ZFAND4: variants seen among roughly 807,000 people sequenced by gnomAD.
The protein encoded by ZFAND4 is zinc finger AN1-type containing 4, also known as AN1-type zinc finger protein 4.
In ZFAND4, 43 loss-of-function variants were observed where a neutral mutation model predicts 64.4. The ratio of observed to expected loss-of-function variants is 0.67; its 90% CI spans 0.52 to 0.86. The LOEUF is 0.86. Among genes scored for constraint, ZFAND4 ranks in the 40% least tolerant of loss-of-function variants. ZFAND4 has a pLI of 0.00. For synonymous variants in ZFAND4, 296 were observed against 305.7 expected (o/e 0.97, Z 0.33); for missense variants, 929 against 859.8 (o/e 1.08, Z -1.01).
chr10:45,623,054 C>CA (rs1172145619), intron 8 of ZFAND4, among the ~76,000 whole-genome samples: 1 of 152,128 alleles, frequency 6.6e-6, no homozygotes, highest in East Asian at 1.9e-4. Flanking sequence ...ATACGCAAAT[C>CA]AAAACCACAG....
intron 6 of ZFAND4, among the ~76,000 whole-genome samples, chr10:45,636,265 ATATC>A (rs1213427473): frequency 2.6e-5 from 4 of 152,162 alleles, no homozygotes; most frequent in Non-Finnish European, 4.4e-5. Flanking sequence ...AGCTTTCCAC[ATATC>A]TATTATTAAT....
chr10:45,640,694 G>C (rs2046934958), intron 5 of ZFAND4, among the ~76,000 whole-genome samples: 1 of 152,092 alleles, frequency 6.6e-6, no homozygotes, highest in Admixed American at 6.6e-5. Flanking sequence ...GTTTCACTGT[G>C]TTAGCCAGGA....
chr10:45,635,589 G>C (rs1415497675), intron 6 of ZFAND4, among the ~76,000 whole-genome samples: 2 of 152,052 alleles, frequency 1.3e-5, no homozygotes, highest in Non-Finnish European at 2.9e-5. Context: ...ATTGAAAGTA[G>C]GGTCTCAAAG....
At chr10:45,627,207 ATTTTTACTATCTCAAT>A in intron 6 of ZFAND4, 102 bp from the exon 7 acceptor site, 1 of 796,068 alleles carries the variant, frequency 1.3e-6, no homozygotes, top group Non-Finnish European at 1.8e-6. Flanking sequence ...ACATACTAGC[ATTTTTACTATCTCAAT>A]TTAAAATGTT....
intron 8 of ZFAND4, among the ~76,000 whole-genome samples, chr10:45,620,447 C>T (rs1171761376): frequency 1.3e-5 from 2 of 152,116 alleles, no homozygotes; most frequent in Non-Finnish European, 2.9e-5. Context: ...TGCCACTGCA[C>T]TTCAGCCTAA....
At chr10:45,616,631 G>A (rs917238082) in intron 9 of ZFAND4, 60 bp from the exon 10 acceptor site, 1 of 1,584,788 alleles carries the variant, frequency 6.3e-7, no homozygotes, top group Non-Finnish European at 8.6e-7. Flanking sequence ...TCATCTGTCT[G>A]GGAGACAGGA....
chr10:45,662,556 A>C (rs908994051), intron 2 of ZFAND4: 1 of 975,318 alleles, frequency 1.0e-6, no homozygotes, highest in Non-Finnish European at 1.2e-6. Flanking sequence ...AGTCAAAATA[A>C]ACTATCATGA....
At chr10:45,635,352 C>T (rs555749200) in intron 6 of ZFAND4, among the ~76,000 whole-genome samples, 13 of 151,944 alleles carry the variant, frequency 8.6e-5, no homozygotes, top group Middle Eastern at 3.4e-3. Context: ...AACAGAGAAC[C>T]CAGAAACAAG....
Position 45,616,624 on chromosome 10 carries a change from T to C in ZFAND4, c.2049-53A>G, listed in dbSNP as rs991928022. On this transcript the variant is annotated intron_variant, in intron 9 of 9. Coordinates refer to ENST00000344646, the MANE Select transcript of ZFAND4 (RefSeq NM_174890.4). ...TAGTTGTATTTCTATGAAAGGCTCA[T>C]CTGTCTGGGAGACAGGAGCTTGACT... 1.5e-5 allele frequency: 24 copies of C among 1,604,262 alleles called. No homozygotes were observed. In the African/African-American group the frequency reaches 2.8e-4, roughly 19 times the overall value.
intron 2 of ZFAND4, among the ~76,000 whole-genome samples, chr10:45,653,554 C>T (rs2047900474): frequency 6.6e-6 from 1 of 152,072 alleles, no homozygotes; most frequent in African/African-American, 2.4e-5. Flanking sequence ...ATGTGGCCAA[C>T]AAATATATTT....
chr10:45,644,121 A>G (rs2047212001), intron 5 of ZFAND4, among the ~76,000 whole-genome samples: 1 of 152,240 alleles, frequency 6.6e-6, no homozygotes, highest in Non-Finnish European at 1.5e-5. Context: ...ATGGAGAACT[A>G]CAAATCACAG....
Position 45,639,961 on chromosome 10 carries a change from C to A in ZFAND4, c.572G>T (p.Gly191Val), listed in dbSNP as rs761953293. 1.9e-6 allele frequency: 3 copies of A among 1,602,268 alleles called. No homozygotes were observed. Among genetic ancestry groups the A allele is most frequent in the Non-Finnish European group, 2.5e-6 (3 of 1,177,258 alleles). Residue 191 changes from glycine to valine, a missense_variant and splice_region_variant, in exon 6 of 10, where the codon GGT (glycine) becomes GTT (valine). Gly to Val is a moderately radical substitution (Grantham distance 109). Coordinates refer to ENST00000344646, the MANE Select transcript of ZFAND4 (RefSeq NM_174890.4). The stretch of plus-strand genomic sequence containing the variant: ...TGTATCTGAATTATACATAGAACCA[C>A]CACTGCAAAGAAAACAATAACTACT... ...LRRKGEHRMSGGSMYNSDTDE... is the reference protein window; with the variant it reads ...LRRKGEHRMSVGSMYNSDTDE...
At chr10:45,635,210 AAAACAAAAAAAAAACAAAC>A (rs2046490936) in intron 6 of ZFAND4, among the ~76,000 whole-genome samples, 7 of 137,820 alleles carry the variant, frequency 5.1e-5, no homozygotes, top group East Asian at 2.2e-4. Context: ...AAAAAAAAAA[AAAACAAAAAAAAAACAAAC>A]AAAAAAAAAC....
chr10:45,625,911 A>T (rs1052908830), intron 7 of ZFAND4, 40 bp downstream of exon 7: 2 of 1,563,804 alleles, frequency 1.3e-6, no homozygotes, highest in Non-Finnish European at 1.7e-6. Flanking sequence ...GAATCACTAC[A>T]AGGATAACTA....
chr10:45,634,977 C>T (rs1344191018), intron 6 of ZFAND4, among the ~76,000 whole-genome samples: 1 of 151,476 alleles, frequency 6.6e-6, no homozygotes, highest in Non-Finnish European at 1.5e-5. Context: ...ATAATGAAAG[C>T]TATAAAACAT....
rs1421395947 is a variant in ZFAND4, at chr10:45,626,231, A to T, written c.1592T>A (p.Val531Asp). 6.2e-7 allele frequency: 1 copy of T among 1,614,088 alleles called. No individual in the cohort carries two copies. Among genetic ancestry groups the T allele is most frequent in the Non-Finnish European group, 8.5e-7 (1 of 1,180,036 alleles). ...SRTTCFQGVK[V>D]DSLGKRSDVI... ...ATCAGATCTTTTCCCAAGTGAATCA[A>T]CTTTAACACCTTGAAAGCAAGTAGT... is the stretch of plus-strand genomic sequence containing the variant. The change falls in exon 7 of 10, where the codon GTT (valine) becomes GAT (aspartate). Residue 531 changes from valine (V) to aspartate (D), a missense_variant. Transcript: ENST00000344646.
chr10:45,671,502 A>C (rs1015929604), intron 1 of ZFAND4, among the ~76,000 whole-genome samples: 1 of 91,418 alleles, frequency 1.1e-5, no homozygotes, highest in African/African-American at 3.7e-5. Flanking sequence ...ATGCAGCCAT[A>C]AAAAAAGGAT....
intron 1 of ZFAND4, among the ~76,000 whole-genome samples, chr10:45,670,888 G>A (rs1436332123): frequency 2.6e-5 from 4 of 152,150 alleles, no homozygotes; most frequent in African/African-American, 9.7e-5. Flanking sequence ...CCATCAGAGT[G>A]AACAGGCAAC....
intron 6 of ZFAND4, among the ~76,000 whole-genome samples, chr10:45,632,494 A>G (rs2046294812): frequency 6.6e-6 from 1 of 152,186 alleles, no homozygotes; most frequent in Non-Finnish European, 1.5e-5. Flanking sequence ...GAGGATGAAG[A>G]GAGAAGAGAA....
Sources: allele counts gnomAD v4.1 joint callset (sites outside exome capture counted in the v4.1 genomes callset), GRCh38; gene constraint gnomAD v4.1.1; transcripts MANE v1.5; gene names NCBI Gene and HGNC (gene_info 2026-07-23, HGNC 2026-07-21).